Variants in FOXP2 observed in about 807,000 individuals in gnomAD.
The protein encoded by FOXP2 is forkhead box P2, also known as forkhead box protein P2.
Under a neutral mutation model 115.8 loss-of-function variants are expected in FOXP2, and 12 were observed. That is an observed-to-expected ratio of 0.10 (90% CI 0.07 to 0.17). The LOEUF (loss-of-function observed/expected upper bound fraction) is 0.17. FOXP2 is among the 10% of genes least tolerant of loss of function. The probability of loss-of-function intolerance (pLI) is 1.00; values close to 1 mark genes in which losing one functional copy is unlikely to be tolerated. For synonymous variants in FOXP2, 328 were observed against 297.7 expected (o/e 1.10, Z -1.05); for missense variants, 629 against 843.5 (o/e 0.75, Z 3.15).
chr7:114,392,115 A>T (rs1223262061), intron 2 of FOXP2, among the ~76,000 whole-genome samples: 1 of 152,232 alleles, frequency 6.6e-6, no homozygotes, highest in African/African-American at 2.4e-5. Flanking sequence ...GAAGTAAAGG[A>T]TGCTCACATA....
rs143322323 is a variant in FOXP2 at position 114,313,762 on chromosome 7, AC to A, written c.-11+25654del. On this transcript the variant is annotated intron_variant, in intron 2 of 17. Coordinates refer to the FOXP2 transcript ENST00000634411. ...TCCGTCTCAAAAAAAAAAAAAAAAAACAAAAATATTGTCATTATTTGAAATT... is the reference window on the plus strand; with the variant it reads ...TCCGTCTCAAAAAAAAAAAAAAAAAAAAAAATATTGTCATTATTTGAAATT... Among the ~76,000 whole-genome samples the A allele has an allele frequency of 3.8e-3, 567 of 147,760 alleles. 88 individuals carry two copies. Among genetic ancestry groups the A allele is most frequent in the East Asian group, 0.018 (88 of 4,970 alleles).
Position 114,294,841 on chromosome 7 carries a change from AAAAT to A in FOXP2, c.-11+6754_-11+6757del, listed in dbSNP as rs201482409. Among the ~76,000 whole-genome samples the A allele has an allele frequency of 7.8e-3, 1,091 of 139,908 alleles. 11 individuals carry two copies. The highest frequency in any genetic ancestry group is 0.027 in the African/African-American group (1,034 of 38,220). 91.8% of individuals were successfully genotyped at this position (139,908 alleles called of 152,430 possible). ...GGGCAACAGAAGGAGACACTGCCTC[AAAAT>A]AAATAAATAAATAAATAAATACATA... is the stretch of plus-strand genomic sequence containing the variant. On this transcript the variant is annotated intron_variant, in intron 2 of 17. Coordinates refer to the FOXP2 transcript ENST00000634411.
At position 114,615,151 on chromosome 7, in the gene FOXP2, G is replaced by A. The variant is rs149582822; in HGVS notation, c.259-13389G>A. The stretch of plus-strand genomic sequence containing the variant: ...GGAAAATCATTTCAACCTGGGAGGC[G>A]GAGGTTGCAGTGAGCCGAGATCGTG... On this transcript the variant is annotated intron_variant, in intron 3 of 16. Coordinates refer to ENST00000350908, the MANE Select transcript of FOXP2 (RefSeq NM_014491.4). Among the ~76,000 whole-genome samples, 137 of 152,162 alleles carry A rather than the reference G, an allele frequency of 9.0e-4. 4 individuals are homozygous for A. In the East Asian group the frequency reaches 0.013, roughly 15 times the overall value.
At chr7:114,370,384 T>A (rs1791975569) in intron 2 of FOXP2, among the ~76,000 whole-genome samples, 1 of 152,222 alleles carries the variant, frequency 6.6e-6, no homozygotes, top group Non-Finnish European at 1.5e-5. Flanking sequence ...CCACTTGTCA[T>A]GCAGTTGGCT....
chr7:114,504,887 G>A (rs1401384181), intron 2 of FOXP2, among the ~76,000 whole-genome samples: 1 of 151,546 alleles, frequency 6.6e-6, no homozygotes, highest in Non-Finnish European at 1.5e-5. Context: ...AAAATGCTCA[G>A]GATCTCACTC....
At chr7:114,548,199 A>AT (rs1800028009) in intron 3 of FOXP2, among the ~76,000 whole-genome samples, 2 of 152,242 alleles carry the variant, frequency 1.3e-5, no homozygotes, top group South Asian at 4.1e-4. Context: ...GCAAAATAAA[A>AT]ATAGGTGCAG....
At chr7:114,146,178 G>C (rs896653399) in intron 1 of FOXP2, among the ~76,000 whole-genome samples, 1 of 152,188 alleles carries the variant, frequency 6.6e-6, no homozygotes, top group African/African-American at 2.4e-5. Flanking sequence ...ACTGTTAGCT[G>C]TAATTTCAGA....
At chr7:114,213,194 A>G (rs1794402655) in intron 1 of FOXP2, among the ~76,000 whole-genome samples, 1 of 152,186 alleles carries the variant, frequency 6.6e-6, no homozygotes, top group Non-Finnish European at 1.5e-5. Context: ...TCTTATTTAC[A>G]TAGGTATTTC....
intron 2 of FOXP2, among the ~76,000 whole-genome samples, chr7:114,327,350 G>C (rs1797582594): frequency 6.6e-6 from 1 of 151,782 alleles, no homozygotes; most frequent in African/African-American, 2.4e-5. Context: ...ATTCTTATCT[G>C]GTCTATCAAA....
chr7:114,252,481 G>T (rs1795476981), intron 1 of FOXP2, among the ~76,000 whole-genome samples: 1 of 152,114 alleles, frequency 6.6e-6, no homozygotes, highest in Non-Finnish European at 1.5e-5. Context: ...CCTGTTATTG[G>T]TCTATTCAGA....
chr7:114,614,276 T>A (rs536168539), intron 3 of FOXP2, among the ~76,000 whole-genome samples: 3 of 151,840 alleles, frequency 2.0e-5, no homozygotes, highest in African/African-American at 7.3e-5. Context: ...TCAAAATGTC[T>A]TTAATTTGCT....
At chr7:114,592,497 G>A (rs1302002496) in intron 3 of FOXP2, among the ~76,000 whole-genome samples, 1 of 151,924 alleles carries the variant, frequency 6.6e-6, no homozygotes, top group Non-Finnish European at 1.5e-5. Flanking sequence ...TCATGGGATA[G>A]CAACACTGCC....
At chr7:114,151,947 G>A (rs1413868609) in intron 1 of FOXP2, among the ~76,000 whole-genome samples, 2 of 152,064 alleles carry the variant, frequency 1.3e-5, no homozygotes, top group Admixed American at 6.6e-5. Context: ...GTGGAAAAAT[G>A]TACCTGTCTA....
chr7:114,450,566 T>A (rs1795029006), intron 2 of FOXP2, among the ~76,000 whole-genome samples: 1 of 152,118 alleles, frequency 6.6e-6, no homozygotes, highest in South Asian at 2.1e-4. Flanking sequence ...AGGGGTCTTT[T>A]GTGATGCACA....
At chr7:114,569,627 A>C (rs11769027) in intron 3 of FOXP2, among the ~76,000 whole-genome samples, 14,135 of 151,910 alleles carry the variant, frequency 0.093, 711 homozygotes, top group Middle Eastern at 0.16. Context: ...TTCTGGCAGC[A>C]AAATACAACT....
intron 1 of FOXP2, among the ~76,000 whole-genome samples, chr7:114,260,887 A>C (rs569595698): frequency 6.7e-6 from 1 of 149,896 alleles, no homozygotes; most frequent in South Asian, 2.1e-4. Context: ...CACATGAAAA[A>C]AGAAATTAAC....
chr7:114,392,174 A>G (rs1051917133), intron 2 of FOXP2, among the ~76,000 whole-genome samples: 1 of 152,170 alleles, frequency 6.6e-6, no homozygotes, highest in African/African-American at 2.4e-5. Flanking sequence ...TCCAGTAGAT[A>G]TAATGGAGAA....
chr7:114,663,569 T>G, intron 15 of FOXP2, 50 bp downstream of exon 15: 1 of 1,418,926 alleles, frequency 7.0e-7, no homozygotes, highest in Non-Finnish European at 9.9e-7. Flanking sequence ...GGGCTTTTTT[T>G]TTTTTTTTGG....
intron 2 of FOXP2, among the ~76,000 whole-genome samples, chr7:114,460,454 A>G (rs1435743787): frequency 6.6e-6 from 1 of 152,222 alleles, no homozygotes; most frequent in East Asian, 1.9e-4. Context: ...CTAGTTGTCT[A>G]GTGCAATGTA....
Sources: gnomAD v4.1 joint callset for allele counts (sites outside exome capture counted in the v4.1 genomes callset) on GRCh38, gnomAD v4.1.1 for gene constraint, MANE v1.5 for transcripts, NCBI Gene and HGNC (gene_info 2026-07-23, HGNC 2026-07-21) for gene names.